The following CSMD3 variants were observed in gnomAD, a reference collection of about 807,000 sequenced individuals.
CSMD3 encodes CUB and Sushi multiple domains 3.
A neutral mutation model predicts 435.2 loss-of-function variants in CSMD3; 177 were observed. That is an observed-to-expected ratio of 0.41 (90% CI 0.36 to 0.46). CSMD3 has a LOEUF of 0.46. CSMD3 is among the 20% of genes least tolerant of loss of function. The pLI, the probability that CSMD3 is intolerant of heterozygous loss-of-function variation, is 0.34. For missense variants in CSMD3, 4,265 were observed against 4,504.6 expected, an observed-to-expected ratio of 0.95 and a Z score of 1.52; for synonymous variants, 1,656 against 1,520.5, an observed-to-expected ratio of 1.09 and a Z score of -2.07.
intron 41 of CSMD3, among the ~76,000 whole-genome samples, chr8:112,342,243 A>G (rs1430809747): frequency 6.6e-6 from 1 of 152,158 alleles, no homozygotes; most frequent in Non-Finnish European, 1.5e-5. Context: ...TTTATATAAT[A>G]ACCTTAATAA....
At chr8:112,350,237 C>T (rs185205495) in intron 40 of CSMD3, among the ~76,000 whole-genome samples, 39 of 149,680 alleles carry the variant, frequency 2.6e-4, no homozygotes, top group African/African-American at 8.8e-4. Flanking sequence ...AATACAGGTA[C>T]GGTCATTGTG....
At chr8:113,277,999 A>T (rs1435303162) in intron 3 of CSMD3, among the ~76,000 whole-genome samples, 1 of 151,978 alleles carries the variant, frequency 6.6e-6, no homozygotes, top group East Asian at 1.9e-4. Context: ...ACTAAGCGTG[A>T]TAAATAAAGA....
At chr8:112,710,758 G>T (rs1222497765) in intron 13 of CSMD3, among the ~76,000 whole-genome samples, 1 of 150,242 alleles carries the variant, frequency 6.7e-6, no homozygotes, top group African/African-American at 2.5e-5. Context: ...GTTTAGGGTG[G>T]GTAAAGCAGA....
At chr8:113,364,378 A>G (rs2094297852) in intron 1 of CSMD3, among the ~76,000 whole-genome samples, 1 of 152,048 alleles carries the variant, frequency 6.6e-6, no homozygotes, top group South Asian at 2.1e-4. Flanking sequence ...TTACATTTGT[A>G]TTCTTTAAGC....
chr8:112,801,621 C>A (rs1205237452), intron 12 of CSMD3, among the ~76,000 whole-genome samples: 2 of 151,974 alleles, frequency 1.3e-5, no homozygotes, highest in Non-Finnish European at 2.9e-5. Context: ...TATATATACA[C>A]ATAATCATTT....
chr8:113,238,934 C>A (rs571923047), intron 3 of CSMD3, among the ~76,000 whole-genome samples: 1 of 152,122 alleles, frequency 6.6e-6, no homozygotes. Context: ...TGTGTTCCTA[C>A]GGAAGTTATT....
At chr8:112,925,517 C>G (rs899556939) in intron 9 of CSMD3, among the ~76,000 whole-genome samples, 2 of 151,514 alleles carry the variant, frequency 1.3e-5, no homozygotes, top group African/African-American at 2.4e-5. Context: ...GAGCTGAGAT[C>G]GCGCTACTGC....
At chr8:112,332,156 T>A (rs1226023039) in intron 45 of CSMD3, among the ~76,000 whole-genome samples, 1 of 152,028 alleles carries the variant, frequency 6.6e-6, no homozygotes, top group Non-Finnish European at 1.5e-5. Context: ...GAACAAGAAA[T>A]TTGTATCCTC....
At position 112,583,144 on chromosome 8, in the gene CSMD3, T is replaced by C. The variant is rs555207810; in HGVS notation, c.3885+3922A>G. On this transcript the variant is annotated intron_variant, in intron 23 of 70. Transcript: ENST00000297405. ...GGTGAGAAATGATTGGTTCCGGAAG[T>C]GTGAAGAAAAGAACCATAGAATTTG... Among the ~76,000 whole-genome samples, 21 of 152,004 alleles carry C rather than the reference T, an allele frequency of 1.4e-4. 1 individual carries two copies. The South Asian group carries it at 2.3e-3, about 17-fold the overall frequency.
intron 31 of CSMD3, among the ~76,000 whole-genome samples, chr8:112,476,165 C>G (rs991863914): frequency 2.0e-5 from 3 of 152,104 alleles, no homozygotes; most frequent in Admixed American, 1.3e-4. Context: ...CCTACCTCAG[C>G]CTCCAGAGTA....
chr8:112,298,156 A>G (rs377298601), intron 53 of CSMD3, among the ~76,000 whole-genome samples: 1 of 151,324 alleles, frequency 6.6e-6, no homozygotes, highest in African/African-American at 2.4e-5. Context: ...TTAGAAGCCA[A>G]TTTTCCCCAA....
chr8:112,423,716 A>C (rs1812757532), intron 32 of CSMD3, among the ~76,000 whole-genome samples: 1 of 152,294 alleles, frequency 6.6e-6, no homozygotes, highest in East Asian at 1.9e-4. Context: ...TCATTTAGGT[A>C]TACTAATATG....
chr8:112,308,904 G>C (rs183081227), intron 50 of CSMD3, among the ~76,000 whole-genome samples: 3 of 151,916 alleles, frequency 2.0e-5, no homozygotes, highest in Non-Finnish European at 2.9e-5. Flanking sequence ...GAAATAAAAG[G>C]TGCATTATGC....
At chr8:112,349,364 C>CTA (rs942951828) in intron 40 of CSMD3, among the ~76,000 whole-genome samples, 9 of 151,514 alleles carry the variant, frequency 5.9e-5, no homozygotes, top group African/African-American at 1.9e-4. Context: ...AAAAACATTA[C>CTA]TATATATATA....
intron 4 of CSMD3, among the ~76,000 whole-genome samples, chr8:113,141,565 C>A (rs1474183338): frequency 1.3e-5 from 2 of 150,660 alleles, no homozygotes; most frequent in African/African-American, 4.9e-5. Context: ...TATTTACAGA[C>A]TAAATGATAA....
chr8:112,230,068 C>A (rs995458843), intron 69 of CSMD3, among the ~76,000 whole-genome samples: 1 of 152,042 alleles, frequency 6.6e-6, no homozygotes, highest in Non-Finnish European at 1.5e-5. Context: ...CGATGGCATT[C>A]GCAGAGTTAG....
chr8:112,364,845 G>C (rs1343612940), intron 38 of CSMD3, among the ~76,000 whole-genome samples: 1 of 151,920 alleles, frequency 6.6e-6, no homozygotes, highest in East Asian at 1.9e-4. Context: ...ACACCAGAAA[G>C]CAAAAATTGT....
chr8:112,886,546 G>T (rs1251204880), intron 10 of CSMD3, among the ~76,000 whole-genome samples: 1 of 151,090 alleles, frequency 6.6e-6, no homozygotes, highest in Non-Finnish European at 1.5e-5. Context: ...CCCTACAGAT[G>T]ATGGCAAACA....
intron 63 of CSMD3, among the ~76,000 whole-genome samples, chr8:112,252,346 A>T (rs1372446515): frequency 1.3e-5 from 2 of 151,928 alleles, no homozygotes; most frequent in Non-Finnish European, 2.9e-5. Flanking sequence ...CAATCTGCGG[A>T]GAGAAAATAT....
Sources: allele counts gnomAD v4.1 joint callset (sites outside exome capture counted in the v4.1 genomes callset), GRCh38; gene constraint gnomAD v4.1.1; transcripts MANE v1.5; gene names NCBI Gene and HGNC (gene_info 2026-07-23, HGNC 2026-07-21).